The following CTNNBIP1 variants were observed in gnomAD, a reference collection of about 807,000 sequenced individuals.
CTNNBIP1 encodes the protein beta-catenin-interacting protein 1.
CTNNBIP1 carries 7 observed loss-of-function variants against 11.8 expected under a neutral mutation model. The observed-to-expected ratio is 0.60, with a 90% CI of 0.34 to 1.12. CTNNBIP1 has a LOEUF of 1.12. Among genes scored for constraint, CTNNBIP1 ranks in the 50% most tolerant of loss-of-function variants. The probability of loss-of-function intolerance (pLI) is 0.03; values close to 1 mark genes in which losing one functional copy is unlikely to be tolerated. For synonymous variants in CTNNBIP1, 58 were observed against 43.9 expected (o/e 1.32, Z -1.26); for missense variants, 101 against 113.4 (o/e 0.89, Z 0.50).
At chr1:9,864,427 C>T (rs1036244535) in intron 5 of CTNNBIP1, among the ~76,000 whole-genome samples, 54 of 152,346 alleles carry the variant, frequency 3.5e-4, no homozygotes, top group Non-Finnish European at 5.9e-5. Flanking sequence ...CTCCCGGGTT[C>T]ACGCCATTCT....
rs2101483186 is a variant in CTNNBIP1, at chr1:9,872,771, T to C, written c.-24-683A>G. Among the ~76,000 whole-genome samples, 1 of 152,140 alleles carries C rather than the reference T, an allele frequency of 6.6e-6. No individual in the cohort carries two copies. Among genetic ancestry groups the C allele is most frequent in the South Asian group, 2.1e-4 (1 of 4,808 alleles). On this transcript the variant is annotated intron_variant, in intron 3 of 5. Coordinates refer to ENST00000377263, the MANE Select transcript of CTNNBIP1 (RefSeq NM_020248.3). The surrounding 1 kb of genome is among the most constrained non-coding windows in gnomAD (Gnocchi z 4.0). ...GGCAGCTGGGAAGGCCAGCAGCGTG[T>C]CCACATGCAGCAGGGACCTAACCTG...
intron 1 of CTNNBIP1, among the ~76,000 whole-genome samples, chr1:9,895,031 C>T (rs1372062208): frequency 6.6e-6 from 1 of 151,980 alleles, no homozygotes; most frequent in East Asian, 1.9e-4. Flanking sequence ...CCTCAGCCTC[C>T]CAAGGAGCTG....
chr1:9,886,517 A>G (rs570967634), intron 1 of CTNNBIP1, among the ~76,000 whole-genome samples: 12 of 152,250 alleles, frequency 7.9e-5, no homozygotes, highest in African/African-American at 2.6e-4. Context: ...ACCATTGGCA[A>G]CTCTCAGGTA....
intron 1 of CTNNBIP1, among the ~76,000 whole-genome samples, chr1:9,898,999 G>C (rs1000198497): frequency 6.6e-6 from 1 of 151,348 alleles, no homozygotes; most frequent in African/African-American, 2.4e-5. Flanking sequence ...TTTTACTTCC[G>C]TAGGTTTTTG....
intron 1 of CTNNBIP1, among the ~76,000 whole-genome samples, chr1:9,899,610 T>G (rs143780358): frequency 0.011 from 1,595 of 148,570 alleles, 26 homozygotes; most frequent in African/African-American, 0.036. Flanking sequence ...ATACAAAAAA[T>G]TAGCCGGGCA....
chr1:9,858,860 G>A (rs1172390141), intron 5 of CTNNBIP1, among the ~76,000 whole-genome samples: 1 of 152,132 alleles, frequency 6.6e-6, no homozygotes, highest in Non-Finnish European at 1.5e-5. Flanking sequence ...GCAGAGAGAA[G>A]ACCCAGATCC....
intron 1 of CTNNBIP1, among the ~76,000 whole-genome samples, chr1:9,884,879 A>G (rs1033005462): frequency 3.3e-5 from 5 of 152,018 alleles, no homozygotes; most frequent in African/African-American, 7.2e-5. Context: ...CAGAGGCCCT[A>G]TGGTGGGGGC....
rs560537031 is a variant in CTNNBIP1, at chr1:9,872,852, G to A, written c.-24-764C>T. Among the ~76,000 whole-genome samples the A allele has an allele frequency of 3.9e-5, 6 of 152,320 alleles. No individual in the cohort carries two copies. The highest frequency in any genetic ancestry group is 7.4e-5 in the Non-Finnish European group (5 of 68,012). On this transcript the variant is annotated intron_variant, in intron 3 of 5. Coordinates refer to ENST00000377263, the MANE Select transcript of CTNNBIP1 (RefSeq NM_020248.3). This position sits in a 1 kb window ranked among gnomAD's most constrained non-coding sequence, Gnocchi z 4.0. ...CCCCTCCCTCCAGGAGGAGCTGGAG[G>A]AGAGGAAGCTGGGTATGGAGGGGCT...
At position 9,897,013 on chromosome 1, in the gene CTNNBIP1, G is replaced by A. The variant is rs550694255; in HGVS notation, c.-144+13082C>T. Among the ~76,000 whole-genome samples the A allele has an allele frequency of 2.3e-4, 35 of 151,664 alleles. No individual in the cohort carries two copies. In the South Asian group the frequency reaches 6.7e-3, roughly 29 times the overall value. On this transcript the variant is annotated intron_variant, in intron 1 of 5. Coordinates refer to ENST00000377263, the MANE Select transcript of CTNNBIP1 (RefSeq NM_020248.3). ...GAAAATTAGCCGGGCATGGTGGCGC[G>A]CGCCTGTAATCCCAGCTACTCAGGA...
intron 3 of CTNNBIP1, among the ~76,000 whole-genome samples, chr1:9,875,571 G>A (rs907122640): frequency 1.3e-5 from 2 of 152,210 alleles, no homozygotes; most frequent in African/African-American, 4.8e-5. Flanking sequence ...CTGCGGTGTC[G>A]TCTGCGCCTG....
intron 1 of CTNNBIP1, among the ~76,000 whole-genome samples, chr1:9,885,771 C>T (rs1639176152): frequency 6.6e-6 from 1 of 152,052 alleles, no homozygotes; most frequent in Non-Finnish European, 1.5e-5. Flanking sequence ...TGGAGAAACC[C>T]TGTCTCTACT....
intron 1 of CTNNBIP1, among the ~76,000 whole-genome samples, chr1:9,905,589 ATT>A (rs1215484495): frequency 2.1e-5 from 3 of 143,276 alleles, no homozygotes; most frequent in Non-Finnish European, 4.6e-5. Flanking sequence ...TGCCCGGCTA[ATT>A]TTTTTTTTTT....
intron 1 of CTNNBIP1, among the ~76,000 whole-genome samples, chr1:9,899,612 A>G (rs1246444465): frequency 6.6e-6 from 1 of 151,594 alleles, no homozygotes; most frequent in Non-Finnish European, 1.5e-5. Context: ...ACAAAAAATT[A>G]GCCGGGCATG....
chr1:9,886,468 A>C (rs1279579213), intron 1 of CTNNBIP1, among the ~76,000 whole-genome samples: 6 of 152,242 alleles, frequency 3.9e-5, no homozygotes, highest in African/African-American at 1.4e-4. Flanking sequence ...TGCTTTAAAG[A>C]AGCAGCTGAC....
Position 9,867,518 on chromosome 1 carries a change from C to T in CTNNBIP1, c.187+3669G>A, listed in dbSNP as rs1257513537. Among the ~76,000 whole-genome samples, 1 of 152,214 alleles carries T rather than the reference C, an allele frequency of 6.6e-6. No homozygotes were observed. The highest frequency in any genetic ancestry group is 1.9e-4 in the East Asian group (1 of 5,200). ...CAGGGCTAAAGGTGGCGGCCAGACCCTCAGGACCAAGGTCGGGTGCTGTCC... is the reference window on the plus strand; with the variant it reads ...CAGGGCTAAAGGTGGCGGCCAGACCTTCAGGACCAAGGTCGGGTGCTGTCC... On this transcript the variant is annotated intron_variant, in intron 5 of 5. Transcript: ENST00000377263. The surrounding 1 kb of genome is among the most constrained non-coding windows in gnomAD (Gnocchi z 4.6).
intron 1 of CTNNBIP1, among the ~76,000 whole-genome samples, chr1:9,895,537 C>G (rs1469778327): frequency 6.6e-6 from 1 of 151,260 alleles, no homozygotes; most frequent in Non-Finnish European, 1.5e-5. Flanking sequence ...TGCTCTGTCG[C>G]CAGGCTAGAG....
At chr1:9,879,002 C>T (rs927328874) in intron 2 of CTNNBIP1, among the ~76,000 whole-genome samples, 1 of 152,156 alleles carries the variant, frequency 6.6e-6, no homozygotes, top group Non-Finnish European at 1.5e-5. Context: ...TCGAGACCAG[C>T]CTGGCCAACA....
rs969638838 is a variant in CTNNBIP1, at chr1:9,864,094, C to T, written c.187+7093G>A. Among the ~76,000 whole-genome samples, 4 of 152,280 alleles carry T rather than the reference C, an allele frequency of 2.6e-5. No individual in the cohort carries two copies. In the East Asian group the frequency reaches 7.7e-4, roughly 29 times the overall value. On this transcript the variant is annotated intron_variant, in intron 5 of 5. Coordinates refer to ENST00000377263, the MANE Select transcript of CTNNBIP1 (RefSeq NM_020248.3). ...TTCCAAAGGGGAAAGCCTGGCTGGC[C>T]GCAGCTGGGGGAACCTTCCCTGGAA... is the stretch of plus-strand genomic sequence containing the variant.
Position 9,871,817 on chromosome 1 carries a change from C to G in CTNNBIP1, c.96+152G>C. On this transcript the variant is annotated intron_variant, in intron 4 of 5. Coordinates refer to ENST00000377263, the MANE Select transcript of CTNNBIP1 (RefSeq NM_020248.3). The surrounding 1 kb of genome is among the most constrained non-coding windows in gnomAD (Gnocchi z 5.2). ...TGTGCCTAGGGGGCCAGAAGCAGCCCTAGAGCCAAGCCACAGGCCCAGCGG... is the reference window on the plus strand; with the variant it reads ...TGTGCCTAGGGGGCCAGAAGCAGCCGTAGAGCCAAGCCACAGGCCCAGCGG... 1 of 660,896 alleles carries G rather than the reference C, an allele frequency of 1.5e-6. No individual in the cohort carries two copies. The highest frequency in any genetic ancestry group is 2.7e-5 in the East Asian group (1 of 36,812). The allele number at this position is 660,896 out of a possible 1,614,324, so 40.9% of individuals were successfully genotyped here.
Sources: gnomAD v4.1 joint callset for allele counts (sites outside exome capture counted in the v4.1 genomes callset) on GRCh38, gnomAD v4.1.1 for gene constraint, Gnocchi (gnomAD v3.1) non-coding constraint, MANE v1.5 for transcripts, NCBI Gene and HGNC (gene_info 2026-07-23, HGNC 2026-07-21) for gene names.